The following TMEM181 variants were observed in gnomAD, a reference collection of about 807,000 sequenced individuals.
TMEM181 encodes the protein transmembrane protein 181, also known as G protein-coupled receptor 178.
In TMEM181, 39 loss-of-function variants were observed where a neutral mutation model predicts 71.9. The observed-to-expected ratio is 0.54, with a 90% confidence interval of 0.42 to 0.71. The LOEUF is 0.71. Among genes scored for constraint, TMEM181 ranks in the 30% least tolerant of loss-of-function variants. The pLI is 0.00. For synonymous variants in TMEM181, 245 were observed against 228.8 expected, an observed-to-expected ratio of 1.07 and a Z score of -0.64; for missense variants, 595 against 583.0, an observed-to-expected ratio of 1.02 and a Z score of -0.21.
At position 158,632,713 on chromosome 6, in the gene TMEM181, A is replaced by C. The variant is rs927088677; in HGVS notation, c.*825A>C. 2 of 152,250 alleles carry C rather than the reference A, an allele frequency of 1.3e-5. No homozygotes were observed. Among genetic ancestry groups the C allele is most frequent in the Non-Finnish European group, 2.9e-5 (2 of 68,066 alleles). The allele number at this position is 152,250 out of a possible 1,614,324, so 9.4% of individuals were successfully genotyped here. The stretch of plus-strand genomic sequence containing the variant: ...AACCCTTACCATTCCAGTAAATAGC[A>C]GTTTCTGCAATTCTGTTGAATATGA... On this transcript the variant is annotated 3_prime_UTR_variant, in exon 17 of 17. Coordinates refer to ENST00000684151, the MANE Select transcript of TMEM181 (RefSeq NM_001376852.1).
Position 158,582,088 on chromosome 6 carries a change from G to T in TMEM181, c.168+1093G>T, listed in dbSNP as rs1404374169. Among the ~76,000 whole-genome samples, 3 of 152,106 alleles carry T rather than the reference G, an allele frequency of 2.0e-5. No homozygotes were observed. In the East Asian group the frequency reaches 5.8e-4, roughly 29 times the overall value. ...AAAAGTACTAAAACTTACACCATTT[G>T]ATTTTTCTCTTTGCTACTGCTAGTT... On this transcript the variant is annotated intron_variant, in intron 3 of 16. Transcript: ENST00000684151.
chr6:158,610,531 C>A (rs34669804), intron 10 of TMEM181: 38,779 of 415,074 alleles, frequency 0.093, 3,080 homozygotes, highest in African/African-American at 0.21. Flanking sequence ...CCCAGTGGCT[C>A]TTTGGCAGGG....
chr6:158,550,376 A>G (rs1282343302), intron 1 of TMEM181, among the ~76,000 whole-genome samples: 1 of 151,230 alleles, frequency 6.6e-6, no homozygotes, highest in Non-Finnish European at 1.5e-5. Context: ...ATCTAGTTTC[A>G]GCCGGGCGCG....
intron 4 of TMEM181, among the ~76,000 whole-genome samples, 184 bp downstream of exon 4, chr6:158,584,228 G>A (rs1433952844): frequency 6.6e-6 from 1 of 152,222 alleles, no homozygotes; most frequent in Non-Finnish European, 1.5e-5. Context: ...AGAGAAAGTT[G>A]CGATAGATAG....
chr6:158,622,752 T>TTC (rs1269683807), intron 10 of TMEM181, among the ~76,000 whole-genome samples: 1 of 152,198 alleles, frequency 6.6e-6, no homozygotes, highest in East Asian at 1.9e-4. Context: ...GAATCCACAA[T>TTC]TCTACTGGTC....
chr6:158,579,319 T>A (rs565498906), intron 2 of TMEM181, among the ~76,000 whole-genome samples: 8 of 150,910 alleles, frequency 5.3e-5, no homozygotes, highest in African/African-American at 9.7e-5. Context: ...CATAGCAGCA[T>A]TATTCACAAT....
chr6:158,560,484 C>G (rs1020877624), intron 1 of TMEM181, among the ~76,000 whole-genome samples: 1 of 152,192 alleles, frequency 6.6e-6, no homozygotes, highest in Non-Finnish European at 1.5e-5. Context: ...GGGATGCGGT[C>G]GGGGTTCCGG....
At chr6:158,552,171 TTGAGA>T (rs1392849251) in intron 1 of TMEM181, among the ~76,000 whole-genome samples, 1 of 152,232 alleles carries the variant, frequency 6.6e-6, no homozygotes, top group African/African-American at 2.4e-5. Context: ...AAAAATCGAA[TTGAGA>T]TAACACAGGA....
At chr6:158,615,046 C>A (rs1310777805) in intron 10 of TMEM181, among the ~76,000 whole-genome samples, 1 of 152,134 alleles carries the variant, frequency 6.6e-6, no homozygotes. Flanking sequence ...AGTTCTAGAT[C>A]CTTGAGGAAT....
intron 2 of TMEM181, among the ~76,000 whole-genome samples, chr6:158,578,713 C>T (rs1425858062): frequency 6.6e-6 from 1 of 152,054 alleles, no homozygotes; most frequent in Non-Finnish European, 1.5e-5. Flanking sequence ...ATATAGAAAG[C>T]AAAATGACAG....
At chr6:158,606,994 C>T (rs891288264) in intron 7 of TMEM181, among the ~76,000 whole-genome samples, 6 of 152,210 alleles carry the variant, frequency 3.9e-5, no homozygotes, top group South Asian at 4.1e-4. Context: ...CTTTCCTGCT[C>T]CTGTGAGGAC....
chr6:158,568,254 T>G (rs1214402438), intron 1 of TMEM181, among the ~76,000 whole-genome samples: 1 of 152,062 alleles, frequency 6.6e-6, no homozygotes, highest in Non-Finnish European at 1.5e-5. Context: ...GTTATTTTGT[T>G]TTTTAGCTCA....
chr6:158,542,051 A>G (rs978504576), intron 1 of TMEM181, among the ~76,000 whole-genome samples: 3 of 151,828 alleles, frequency 2.0e-5, no homozygotes, highest in African/African-American at 7.3e-5. Context: ...GATTACAGGC[A>G]TGCGCCACTA....
chr6:158,614,757 G>A (rs991370501), intron 10 of TMEM181, among the ~76,000 whole-genome samples: 3 of 152,126 alleles, frequency 2.0e-5, no homozygotes, highest in Non-Finnish European at 2.9e-5. Flanking sequence ...TGTGCTTGGC[G>A]ATAGTTTGCT....
intron 15 of TMEM181, 116 bp downstream of exon 15, chr6:158,629,935 T>C (rs966907987): frequency 2.3e-6 from 2 of 856,868 alleles, no homozygotes; most frequent in Non-Finnish European, 1.9e-6. Flanking sequence ...TCCCAGTGAC[T>C]TCTCTTGGCA....
chr6:158,571,086 A>T (rs78796080), intron 1 of TMEM181, among the ~76,000 whole-genome samples: 12 of 151,300 alleles, frequency 7.9e-5, no homozygotes, highest in Non-Finnish European at 1.5e-4. Flanking sequence ...CTAATTTTTT[A>T]AAAAATTAAT....
At chr6:158,631,297 A>G in intron 15 of TMEM181, 26 bp from the exon 16 acceptor site, 1 of 1,613,634 alleles carries the variant, frequency 6.2e-7, no homozygotes, top group Non-Finnish European at 8.5e-7. Context: ...ATTGCTTGAG[A>G]TGCAAATGCT....
chr6:158,572,717 TC>T (rs1233747696), intron 1 of TMEM181, among the ~76,000 whole-genome samples: 1 of 152,204 alleles, frequency 6.6e-6, no homozygotes, highest in Non-Finnish European at 1.5e-5. Flanking sequence ...CCTAGAGTTT[TC>T]CTGTGACTGG....
At chr6:158,628,973 G>A (rs1432486649) in intron 14 of TMEM181, among the ~76,000 whole-genome samples, 1 of 152,204 alleles carries the variant, frequency 6.6e-6, no homozygotes, top group South Asian at 2.1e-4. Context: ...TGTATCCAAG[G>A]GTATGACAGT....
Sources: gnomAD v4.1 joint callset for allele counts (sites outside exome capture counted in the v4.1 genomes callset) on GRCh38, gnomAD v4.1.1 for gene constraint, MANE v1.5 for transcripts, NCBI Gene and HGNC (gene_info 2026-07-23, HGNC 2026-07-21) for gene names.